Variants in ROBO2 observed in about 807,000 individuals in gnomAD.
The protein encoded by ROBO2 is roundabout homolog 2.
Under a neutral mutation model 160.8 loss-of-function variants are expected in ROBO2, and 53 were observed. The ratio of observed to expected loss-of-function variants is 0.33; its 90% CI spans 0.26 to 0.41. The LOEUF (loss-of-function observed/expected upper bound fraction) is 0.41, where lower values mean the gene tolerates loss of function less well. ROBO2 is among the 10% of genes least tolerant of loss of function. ROBO2 has a pLI of 1.00. For synonymous variants in ROBO2, 664 were observed against 611.7 expected (o/e 1.09, Z -1.26); for missense variants, 1,577 against 1,722.4 (o/e 0.92, Z 1.49).
chr3:76,001,054 G>A (rs1217599787), intron 2 of ROBO2, among the ~76,000 whole-genome samples: 1 of 151,690 alleles, frequency 6.6e-6, no homozygotes, highest in African/African-American at 2.4e-5. Context: ...ATTTTTGCAG[G>A]GGTATGTTGT....
intron 2 of ROBO2, among the ~76,000 whole-genome samples, chr3:76,484,032 GC>G (rs2079356540): frequency 1.3e-5 from 2 of 152,150 alleles, no homozygotes; most frequent in Non-Finnish European, 2.9e-5. Context: ...ACGTACACAT[GC>G]ATGTGTCTTT....
intron 2 of ROBO2, among the ~76,000 whole-genome samples, chr3:76,965,655 A>G (rs906242810): frequency 6.7e-6 from 1 of 148,426 alleles, no homozygotes; most frequent in Non-Finnish European, 1.5e-5. Context: ...TAGTTCTCAT[A>G]TATCTATCAA....
chr3:77,438,802 A>C (rs981500392), intron 2 of ROBO2, among the ~76,000 whole-genome samples: 1 of 152,060 alleles, frequency 6.6e-6, no homozygotes, highest in Non-Finnish European at 1.5e-5. Flanking sequence ...CTGTACTTTT[A>C]AAGTATATGC....
intron 2 of ROBO2, among the ~76,000 whole-genome samples, chr3:76,720,020 C>T (rs751321001): frequency 5.3e-5 from 8 of 152,088 alleles, no homozygotes; most frequent in African/African-American, 1.2e-4. Flanking sequence ...TTGGGTCCTC[C>T]CAAATATTCT....
At chr3:76,626,730 T>A (rs1464352206) in intron 2 of ROBO2, among the ~76,000 whole-genome samples, 2 of 152,092 alleles carry the variant, frequency 1.3e-5, no homozygotes, top group African/African-American at 4.8e-5. Flanking sequence ...TCTCACTCTG[T>A]CGCCCAGGCT....
At chr3:77,124,577 G>A (rs994387861) in intron 2 of ROBO2, among the ~76,000 whole-genome samples, 10 of 152,204 alleles carry the variant, frequency 6.6e-5, no homozygotes, top group African/African-American at 2.2e-4. Flanking sequence ...TTATATAAAT[G>A]TGGAGTTGTA....
intron 2 of ROBO2, among the ~76,000 whole-genome samples, chr3:77,383,500 C>T (rs1159968090): frequency 1.3e-5 from 2 of 151,982 alleles, no homozygotes; most frequent in East Asian, 3.9e-4. Context: ...AAGGCTCAAA[C>T]TTGCAATAAG....
chr3:77,482,140 T>C (rs1288263202), intron 4 of ROBO2, among the ~76,000 whole-genome samples: 2 of 152,130 alleles, frequency 1.3e-5, no homozygotes, highest in East Asian at 3.9e-4. Flanking sequence ...TATACAATCT[T>C]CATTAAACAT....
intron 2 of ROBO2, among the ~76,000 whole-genome samples, chr3:76,599,715 G>T (rs4856045): frequency 0.94 from 143,867 of 152,268 alleles, 68,478 homozygotes; most frequent in Non-Finnish European, 1. Flanking sequence ...GCACCTGTTA[G>T]TTTTTTACTT....
At chr3:76,516,787 A>G (rs1267377121) in intron 2 of ROBO2, among the ~76,000 whole-genome samples, 1 of 152,168 alleles carries the variant, frequency 6.6e-6, no homozygotes, top group Non-Finnish European at 1.5e-5. Context: ...AGTATTCATA[A>G]GAAGCATAAA....
At chr3:75,915,441 A>T (rs1946770125) in intron 1 of ROBO2, among the ~76,000 whole-genome samples, 1 of 152,210 alleles carries the variant, frequency 6.6e-6, no homozygotes, top group South Asian at 2.1e-4. Flanking sequence ...ATGAGAAAAT[A>T]TAAGATAGGC....
intron 2 of ROBO2, among the ~76,000 whole-genome samples, chr3:77,447,929 TAA>T (rs1439761114): frequency 6.6e-6 from 1 of 152,150 alleles, no homozygotes; most frequent in Admixed American, 6.6e-5. Context: ...CTGTTGAATA[TAA>T]ACTCTTGCTC....
At chr3:77,137,767 G>A (rs1376666956) in intron 2 of ROBO2, among the ~76,000 whole-genome samples, 3 of 152,176 alleles carry the variant, frequency 2.0e-5, no homozygotes, top group Non-Finnish European at 4.4e-5. Flanking sequence ...GAGACAGTGA[G>A]GAAACGCAAG....
chr3:77,153,911 T>A (rs1425268552), intron 2 of ROBO2, among the ~76,000 whole-genome samples: 2 of 152,136 alleles, frequency 1.3e-5, no homozygotes, highest in Non-Finnish European at 2.9e-5. Flanking sequence ...TAAACCAATC[T>A]ACTCTATTAT....
At chr3:77,630,637 T>C (rs975724741) in intron 23 of ROBO2, 3 of 152,052 alleles carry the variant, frequency 2.0e-5, no homozygotes, top group Admixed American at 1.3e-4. Context: ...AGATATGGCA[T>C]TGGCTAGCTG....
chr3:76,092,633 G>A (rs1032883769), intron 2 of ROBO2, among the ~76,000 whole-genome samples: 2 of 152,070 alleles, frequency 1.3e-5, no homozygotes, highest in African/African-American at 4.8e-5. Context: ...CATAAATTCC[G>A]AACTTGTTTC....
chr3:76,410,343 T>C (rs1190981131), intron 2 of ROBO2, among the ~76,000 whole-genome samples: 1 of 152,166 alleles, frequency 6.6e-6, no homozygotes, highest in Admixed American at 6.5e-5. Context: ...TTGTATCTAT[T>C]CTAAAGGATC....
At chr3:76,192,308 C>A (rs533447557) in intron 2 of ROBO2, among the ~76,000 whole-genome samples, 1 of 151,890 alleles carries the variant, frequency 6.6e-6, no homozygotes, top group African/African-American at 2.4e-5. Flanking sequence ...CTGCCATTTC[C>A]CTAGTTAGTG....
At chr3:76,020,737 T>C (rs1308732257) in intron 2 of ROBO2, among the ~76,000 whole-genome samples, 1 of 151,908 alleles carries the variant, frequency 6.6e-6, no homozygotes, top group Non-Finnish European at 1.5e-5. Context: ...TCCATGTTCT[T>C]CACTCAATAT....
Sources: gnomAD v4.1 joint callset for allele counts (sites outside exome capture counted in the v4.1 genomes callset) on GRCh38, gnomAD v4.1.1 for gene constraint, MANE v1.5 for transcripts, NCBI Gene and HGNC (gene_info 2026-07-23, HGNC 2026-07-21) for gene names.